RABGAP1L: variants seen among roughly 807,000 people sequenced by gnomAD.
RABGAP1L encodes the protein RAB GTPase activating protein 1 like.
RABGAP1L carries 63 observed loss-of-function variants against 137.7 expected under a neutral mutation model. The observed-to-expected ratio is 0.46, with a 90% CI of 0.37 to 0.56. RABGAP1L has a LOEUF of 0.56. Ranked by LOEUF, RABGAP1L falls within the 20% of genes least tolerant of loss-of-function variation. The pLI is 0.00. For missense variants in RABGAP1L, 1,095 were observed against 1,244.0 expected, an observed-to-expected ratio of 0.88 and a Z score of 1.80; for synonymous variants, 431 against 433.7, an observed-to-expected ratio of 0.99 and a Z score of 0.08.
chr1:174,948,625 C>G (rs1225391236), intron 19 of RABGAP1L: 1 of 151,686 alleles, frequency 6.6e-6, no homozygotes, highest in Admixed American at 6.6e-5. Context: ...ACATTACATG[C>G]CAGTTTCAAA....
chr1:174,587,378 G>T (rs1669202755), intron 13 of RABGAP1L, among the ~76,000 whole-genome samples: 1 of 151,394 alleles, frequency 6.6e-6, no homozygotes, highest in African/African-American at 2.4e-5. Context: ...CACCAGCATG[G>T]CACATGTATA....
At chr1:174,593,272 C>G (rs1389408597) in intron 13 of RABGAP1L, among the ~76,000 whole-genome samples, 1 of 13,012 alleles carries the variant, frequency 7.7e-5, no homozygotes, top group African/African-American at 6.7e-4. Context: ...TGCTAGCGGT[C>G]TATCAATTTT....
chr1:174,286,934 CT>C (rs978056326), intron 10 of RABGAP1L, among the ~76,000 whole-genome samples: 17 of 151,972 alleles, frequency 1.1e-4, no homozygotes, highest in African/African-American at 3.9e-4. Flanking sequence ...GAATTTAAGA[CT>C]TTTTTTGTGT....
At chr1:174,802,721 A>T (rs1688863921) in intron 18 of RABGAP1L, among the ~76,000 whole-genome samples, 1 of 152,216 alleles carries the variant, frequency 6.6e-6, no homozygotes, top group Admixed American at 6.5e-5. Context: ...GGTACTCTAC[A>T]TTTTGGGAAA....
chr1:174,806,837 G>T (rs1011632473), intron 18 of RABGAP1L, among the ~76,000 whole-genome samples: 3 of 152,160 alleles, frequency 2.0e-5, no homozygotes, highest in African/African-American at 7.2e-5. Context: ...CTAGGCTGGA[G>T]TACAGTGGTG....
At chr1:174,432,666 T>G (rs1197287222) in intron 13 of RABGAP1L, among the ~76,000 whole-genome samples, 2 of 152,146 alleles carry the variant, frequency 1.3e-5, no homozygotes, top group Non-Finnish European at 2.9e-5. Context: ...GCCTCCTGAG[T>G]AGCTGGGACT....
At chr1:174,846,024 G>C in intron 19 of RABGAP1L, among the ~76,000 whole-genome samples, 1 of 148,716 alleles carries the variant, frequency 6.7e-6, no homozygotes, top group Non-Finnish European at 1.5e-5. Context: ...AGAGGTGTTT[G>C]TAGTATTCTC....
At chr1:174,259,264 T>A (rs1456608929) in intron 7 of RABGAP1L, among the ~76,000 whole-genome samples, 1 of 152,188 alleles carries the variant, frequency 6.6e-6, no homozygotes, top group Admixed American at 6.5e-5. Context: ...CAGCATCTAC[T>A]ATAGTGCTTG....
chr1:174,735,818 C>CA (rs1302260402), intron 17 of RABGAP1L, among the ~76,000 whole-genome samples: 2 of 151,800 alleles, frequency 1.3e-5, no homozygotes, highest in African/African-American at 4.8e-5. Flanking sequence ...GGGGAGATAC[C>CA]ACACTCTTTT....
intron 1 of RABGAP1L, among the ~76,000 whole-genome samples, chr1:174,161,871 G>A (rs907140220): frequency 6.6e-6 from 1 of 152,150 alleles, no homozygotes; most frequent in Non-Finnish European, 1.5e-5. Context: ...TGGGACCACA[G>A]GCACATGCCA....
intron 13 of RABGAP1L, among the ~76,000 whole-genome samples, chr1:174,562,788 A>G (rs146987338): frequency 1.2e-4 from 18 of 152,272 alleles, no homozygotes; most frequent in Non-Finnish European, 1.9e-4. Context: ...CTCACTCGTA[A>G]GTGGGAGTTG....
chr1:174,649,847 C>T (rs1207107231), intron 14 of RABGAP1L, among the ~76,000 whole-genome samples: 1 of 152,084 alleles, frequency 6.6e-6, no homozygotes, highest in East Asian at 1.9e-4. Context: ...CCTGATTGCC[C>T]TGGCCAGAAC....
At chr1:174,740,635 A>AT (rs1368001277) in intron 17 of RABGAP1L, among the ~76,000 whole-genome samples, 1 of 151,996 alleles carries the variant, frequency 6.6e-6, no homozygotes, top group East Asian at 1.9e-4. Context: ...TTATATTTTT[A>AT]TTTTTTTGAG....
intron 4 of RABGAP1L, among the ~76,000 whole-genome samples, chr1:174,239,115 C>T (rs12091155): frequency 1.3e-5 from 2 of 151,948 alleles, no homozygotes; most frequent in Non-Finnish European, 2.9e-5. Flanking sequence ...AATGCCTCGC[C>T]CTGCTTCGGC....
At chr1:174,932,826 C>T (rs1461221654) in intron 19 of RABGAP1L, among the ~76,000 whole-genome samples, 1 of 152,026 alleles carries the variant, frequency 6.6e-6, no homozygotes, top group East Asian at 1.9e-4. Flanking sequence ...GCTTTTGTGT[C>T]CTTTTGACAT....
chr1:174,478,416 G>A (rs1016324274), intron 13 of RABGAP1L, among the ~76,000 whole-genome samples: 5 of 151,640 alleles, frequency 3.3e-5, no homozygotes, highest in Admixed American at 6.6e-5. Flanking sequence ...TACTATAGGT[G>A]CACACTGCTA....
At chr1:174,343,306 T>C (rs1558148383) in intron 11 of RABGAP1L, among the ~76,000 whole-genome samples, 1 of 152,178 alleles carries the variant, frequency 6.6e-6, no homozygotes, top group Non-Finnish European at 1.5e-5. Context: ...CAAACACATA[T>C]CTGGAATTGA....
chr1:174,720,968 T>G (rs1681483027), intron 17 of RABGAP1L, among the ~76,000 whole-genome samples: 1 of 152,196 alleles, frequency 6.6e-6, no homozygotes, highest in Admixed American at 6.5e-5. Flanking sequence ...AGATTGCTCA[T>G]TAAAGATAAA....
intron 19 of RABGAP1L, among the ~76,000 whole-genome samples, chr1:174,946,228 C>T (rs139738067): frequency 7.2e-5 from 11 of 152,258 alleles, no homozygotes; most frequent in Admixed American, 4.6e-4. Context: ...AGGCTACTGA[C>T]GAGGCTTATC....
Sources: gnomAD v4.1 joint callset for allele counts (sites outside exome capture counted in the v4.1 genomes callset) on GRCh38, gnomAD v4.1.1 for gene constraint, MANE v1.5 for transcripts, NCBI Gene and HGNC (gene_info 2026-07-23, HGNC 2026-07-21) for gene names.